The following OSBP2 variants were observed in gnomAD, a reference collection of about 807,000 sequenced individuals.
OSBP2 encodes the protein oxysterol binding protein 2.
A neutral mutation model predicts 96.0 loss-of-function variants in OSBP2; 66 were observed. The ratio of observed to expected loss-of-function variants is 0.69; its 90% CI spans 0.56 to 0.84. The LOEUF (loss-of-function observed/expected upper bound fraction) is 0.84, where lower values mean the gene tolerates loss of function less well. Ranked by LOEUF, OSBP2 falls within the 40% of genes least tolerant of loss-of-function variation. OSBP2 has a pLI of 0.00. For missense variants in OSBP2, 1,038 were observed against 1,222.7 expected (o/e 0.85, Z 2.25); for synonymous variants, 525 against 520.9 (o/e 1.01, Z -0.11).
intron 1 of OSBP2, among the ~76,000 whole-genome samples, chr22:30,738,611 A>C (rs1047283396): frequency 1.3e-5 from 2 of 151,248 alleles, no homozygotes; most frequent in Non-Finnish European, 2.9e-5. Context: ...CCCAGGCTGG[A>C]GTGCAATGGT....
At position 30,881,834 on chromosome 22, in the gene OSBP2, G is replaced by A. The variant is rs1464518855; in HGVS notation, c.1108-5592G>A. On this transcript the variant is annotated intron_variant, in intron 3 of 13. Coordinates refer to ENST00000332585, the MANE Select transcript of OSBP2 (RefSeq NM_030758.4). The surrounding 1 kb of genome is among the most constrained non-coding windows in gnomAD (Gnocchi z 4.5). ...GCATCCGGGCTGGGGGAGGTGGACG[G>A]GCTCTCTGCATCCATGGGGTGACCA... is the stretch of plus-strand genomic sequence containing the variant. 5 of 1,303,284 alleles carry A rather than the reference G, an allele frequency of 3.8e-6. No homozygotes were observed. Among genetic ancestry groups the A allele is most frequent in the Non-Finnish European group, 5.1e-6 (5 of 988,644 alleles). 80.7% of individuals were successfully genotyped at this position (1,303,284 alleles called of 1,614,324 possible). A position where few individuals can be genotyped will look rare whatever the true frequency, so the allele number is the denominator to read the frequency against.
In OSBP2 at chr22:30,871,311, G is replaced by A. The variant is rs1473198347; in HGVS notation, c.1107+629G>A. The stretch of plus-strand genomic sequence containing the variant: ...CCACACGGCTAGGACTGGGAGCCAG[G>A]AGGGTGTCTCGATGGTGGTAGGAGG... On this transcript the variant is annotated intron_variant, in intron 3 of 13. Transcript: ENST00000332585. The surrounding 1 kb of genome is among the most constrained non-coding windows in gnomAD (Gnocchi z 4.7). Among the ~76,000 whole-genome samples the A allele has an allele frequency of 3.3e-5, 5 of 152,190 alleles. No homozygotes were observed. Among genetic ancestry groups the A allele is most frequent in the South Asian group, 2.1e-4 (1 of 4,818 alleles).
chr22:30,894,661 G>A (rs1206262634), intron 12 of OSBP2, among the ~76,000 whole-genome samples: 1 of 152,246 alleles, frequency 6.6e-6, no homozygotes, highest in Non-Finnish European at 1.5e-5. Context: ...AAGAGGGACT[G>A]TACCTGAAGA....
intron 2 of OSBP2, among the ~76,000 whole-genome samples, chr22:30,753,592 G>A (rs1327401458): frequency 2.0e-5 from 3 of 152,156 alleles, no homozygotes; most frequent in African/African-American, 7.2e-5. Context: ...GGCTGGACAG[G>A]CTCAGTGGCC....
rs2039695648 is a variant in OSBP2 at position 30,881,184 on chromosome 22, T to C, written c.1108-6242T>C. Among the ~76,000 whole-genome samples the C allele has an allele frequency of 6.6e-6, 1 of 152,076 alleles. No individual in the cohort carries two copies. The highest frequency in any genetic ancestry group is 2.4e-5 in the African/African-American group (1 of 41,420). ...GAGCACCCATACCCCCAACACCCCT[T>C]TCACCAGAACCCTCTGTGCAGCACT... On this transcript the variant is annotated intron_variant, in intron 3 of 13. Transcript: ENST00000332585. The surrounding 1 kb of genome is among the most constrained non-coding windows in gnomAD (Gnocchi z 4.5).
chr22:30,696,395 C>T (rs1366300134), intron 1 of OSBP2, among the ~76,000 whole-genome samples: 2 of 152,250 alleles, frequency 1.3e-5, no homozygotes, highest in South Asian at 2.1e-4. Flanking sequence ...CCCTGAAGAG[C>T]TTGTTGGAAC....
chr22:30,893,601 CGGGG>C, intron 10 of OSBP2, 33 bp from the exon 11 acceptor site: 1 of 1,612,902 alleles, frequency 6.2e-7, no homozygotes, highest in Non-Finnish European at 8.5e-7. Flanking sequence ...GTGCATGGCC[CGGGG>C]GCTGGCCGCT....
At chr22:30,753,420 A>G (rs1365827667) in intron 2 of OSBP2, among the ~76,000 whole-genome samples, 1 of 152,208 alleles carries the variant, frequency 6.6e-6, no homozygotes, top group Admixed American at 6.5e-5. Flanking sequence ...CCTGGGCATC[A>G]TAGTCAGACT....
intron 1 of OSBP2, among the ~76,000 whole-genome samples, chr22:30,708,723 G>T (rs1343261631): frequency 6.7e-6 from 1 of 150,188 alleles, no homozygotes; most frequent in Non-Finnish European, 1.5e-5. Context: ...CCTGACCTCA[G>T]GTGATCCGCC....
At chr22:30,704,289 T>A (rs998910561) in intron 1 of OSBP2, among the ~76,000 whole-genome samples, 3 of 151,886 alleles carry the variant, frequency 2.0e-5, no homozygotes, top group Admixed American at 6.6e-5. Context: ...AGAAACAGAG[T>A]GAAGTCTGGG....
At chr22:30,795,270 GT>G in intron 2 of OSBP2, among the ~76,000 whole-genome samples, 1 of 152,004 alleles carries the variant, frequency 6.6e-6, no homozygotes, top group Non-Finnish European at 1.5e-5. Flanking sequence ...GTAAGATTTT[GT>G]TTTGTTTCTC....
At chr22:30,822,620 C>A (rs1447995774) in intron 2 of OSBP2, 1 of 1,530,610 alleles carries the variant, frequency 6.5e-7, no homozygotes, top group East Asian at 2.5e-5. Flanking sequence ...GAGGCTGCCC[C>A]GCCGCGGGAA....
intron 8 of OSBP2, among the ~76,000 whole-genome samples, chr22:30,891,993 A>AGGAGGGTGAAGAAGCAGCAGCT (rs2039958860): frequency 6.6e-6 from 1 of 152,096 alleles, no homozygotes; most frequent in African/African-American, 2.4e-5. Flanking sequence ...AGGAAAGGAA[A>AGGAGGGTGAAGAAGCAGCAGCT]GGAGGGTGAA....
At chr22:30,891,917 G>C (rs775958269) in intron 8 of OSBP2, among the ~76,000 whole-genome samples, 1 of 152,194 alleles carries the variant, frequency 6.6e-6, no homozygotes, top group Non-Finnish European at 1.5e-5. Context: ...TACTGTGGCT[G>C]CTTCCAGCTC....
intron 9 of OSBP2, 40 bp from the exon 10 acceptor site, chr22:30,893,423 C>CA: frequency 6.4e-7 from 1 of 1,571,576 alleles, no homozygotes; most frequent in Non-Finnish European, 8.8e-7. Context: ...CAGAGCCCTG[C>CA]ATGGGGGGGC....
chr22:30,829,767 T>G (rs759637361), intron 2 of OSBP2, among the ~76,000 whole-genome samples: 12 of 152,222 alleles, frequency 7.9e-5, no homozygotes, highest in Non-Finnish European at 1.5e-4. Flanking sequence ...GGCTGTGCAA[T>G]GTACAACCTG....
chr22:30,745,982 A>T (rs1413243073), intron 2 of OSBP2, among the ~76,000 whole-genome samples: 1 of 152,188 alleles, frequency 6.6e-6, no homozygotes, highest in Non-Finnish European at 1.5e-5. Context: ...AAACACTCAA[A>T]TTACAAAAAC....
At chr22:30,868,079 C>T (rs559954943) in intron 2 of OSBP2, among the ~76,000 whole-genome samples, 62 of 152,370 alleles carry the variant, frequency 4.1e-4, no homozygotes, top group Admixed American at 3.5e-3. Flanking sequence ...TGTACCTTTC[C>T]GTCCCCAGAT....
At chr22:30,739,119 C>A (rs2089898099) in intron 1 of OSBP2, among the ~76,000 whole-genome samples, 1 of 152,132 alleles carries the variant, frequency 6.6e-6, no homozygotes, top group South Asian at 2.1e-4. Flanking sequence ...GAGTTAGATC[C>A]AGTCATGATA....
Sources: gnomAD v4.1 joint callset for allele counts (sites outside exome capture counted in the v4.1 genomes callset) on GRCh38, gnomAD v4.1.1 for gene constraint, Gnocchi (gnomAD v3.1) non-coding constraint, MANE v1.5 for transcripts, NCBI Gene and HGNC (gene_info 2026-07-23, HGNC 2026-07-21) for gene names.